Variants in PIAS2 observed in about 807,000 individuals in gnomAD.
PIAS2 encodes protein inhibitor of activated STAT 2, also known as E3 SUMO-protein ligase PIAS2.
Under a neutral mutation model 69.7 loss-of-function variants are expected in PIAS2, and 19 were observed. That is an observed-to-expected ratio of 0.27 (90% CI 0.19 to 0.40). The LOEUF (loss-of-function observed/expected upper bound fraction) is 0.40, where lower values mean the gene tolerates loss of function less well. PIAS2 is among the 10% of genes least tolerant of loss of function. The pLI, the probability that PIAS2 is intolerant of heterozygous loss-of-function variation, is 1.00. For missense variants in PIAS2, 624 were observed against 757.0 expected (o/e 0.82, Z 2.06); for synonymous variants, 261 against 263.2 (o/e 0.99, Z 0.08).
intron 2 of PIAS2, among the ~76,000 whole-genome samples, chr18:46,866,845 T>C (rs902729945): frequency 1.3e-5 from 2 of 152,158 alleles, no homozygotes; most frequent in African/African-American, 4.8e-5. Context: ...AATCCACTCT[T>C]AGCGTGCCAC....
chr18:46,814,470 G>C (rs144029498), intron 13 of PIAS2, among the ~76,000 whole-genome samples: 3 of 152,204 alleles, frequency 2.0e-5, no homozygotes, highest in African/African-American at 7.2e-5. Flanking sequence ...CTGCTGTAAT[G>C]AGGTCAACTC....
intron 11 of PIAS2, among the ~76,000 whole-genome samples, chr18:46,825,966 A>T (rs1215604010): frequency 6.6e-6 from 1 of 152,210 alleles, no homozygotes; most frequent in Non-Finnish European, 1.5e-5. Context: ...CTAAGACTGA[A>T]TTCAGAATTT....
intron 1 of PIAS2, among the ~76,000 whole-genome samples, chr18:46,908,603 A>T (rs769473635): frequency 1.3e-5 from 2 of 152,250 alleles, no homozygotes; most frequent in Non-Finnish European, 2.9e-5. Context: ...ATAATGGAAA[A>T]TATCTTCGAG....
intron 1 of PIAS2, chr18:46,916,809 G>A (rs1599197892): frequency 2.0e-6 from 2 of 985,272 alleles, no homozygotes; most frequent in Non-Finnish European, 2.4e-6. Context: ...TGGGAGAAGG[G>A]GCCTTTTCTC....
chr18:46,914,512 T>G (rs1216184575), intron 1 of PIAS2, among the ~76,000 whole-genome samples: 1 of 151,710 alleles, frequency 6.6e-6, no homozygotes, highest in African/African-American at 2.4e-5. Flanking sequence ...AAAACTGAAA[T>G]AGTCAGGCGA....
chr18:46,879,748 T>C (rs751287257), intron 2 of PIAS2, among the ~76,000 whole-genome samples: 16 of 152,152 alleles, frequency 1.1e-4, no homozygotes, highest in Admixed American at 2.6e-4. Context: ...AAATCTGACA[T>C]GTTATAACAT....
In PIAS2 at chr18:46,807,232, C is replaced by G. The variant is rs2040728304; in HGVS notation, c.*5201G>C. The G allele has an allele frequency of 6.7e-6, 1 of 150,176 alleles. No homozygotes were observed. The highest frequency in any genetic ancestry group is 2.1e-4 in the South Asian group (1 of 4,752). The allele number at this position is 150,176 out of a possible 1,614,324, so 9.3% of individuals were successfully genotyped here. A position where few individuals can be genotyped will look rare whatever the true frequency, so the allele number is the denominator to read the frequency against. On this transcript the variant is annotated 3_prime_UTR_variant, in exon 14 of 14. Coordinates refer to ENST00000585916, the MANE Select transcript of PIAS2 (RefSeq NM_004671.5). ...AGGCTTTTTTTAAAAAGTGACAAAA[C>G]TTTTGAACTAAAGATGGAAAACGTA...
At chr18:46,893,001 C>G (rs1452918280) in intron 1 of PIAS2, among the ~76,000 whole-genome samples, 1 of 152,150 alleles carries the variant, frequency 6.6e-6, no homozygotes, top group East Asian at 1.9e-4. Flanking sequence ...TTAAGAGCCA[C>G]ATGTGGCCAC....
chr18:46,846,493 CA>C (rs1455631478), intron 6 of PIAS2: 1 of 375,516 alleles, frequency 2.7e-6, no homozygotes, highest in Non-Finnish European at 4.7e-6. Context: ...ATTTCCTTTC[CA>C]GGAAAATAAA....
intron 2 of PIAS2, among the ~76,000 whole-genome samples, chr18:46,882,796 G>A (rs1306345767): frequency 6.6e-6 from 1 of 152,142 alleles, no homozygotes; most frequent in East Asian, 1.9e-4. Context: ...TTGTCACGGT[G>A]CAAAACTCTA....
intron 2 of PIAS2, among the ~76,000 whole-genome samples, chr18:46,871,175 G>A (rs887168983): frequency 1.3e-5 from 2 of 152,144 alleles, no homozygotes; most frequent in African/African-American, 4.8e-5. Context: ...TGGAAAGACT[G>A]GACTATTGAA....
At chr18:46,847,008 C>A (rs1271803294) in intron 5 of PIAS2, among the ~76,000 whole-genome samples, 167 bp from the exon 6 acceptor site, 1 of 151,922 alleles carries the variant, frequency 6.6e-6, no homozygotes, top group African/African-American at 2.4e-5. Context: ...AGGAAAATAA[C>A]CTTTGAAAAA....
At chr18:46,888,363 ATT>A (rs35677026) in intron 2 of PIAS2, among the ~76,000 whole-genome samples, 2 of 149,324 alleles carry the variant, frequency 1.3e-5, no homozygotes, top group African/African-American at 4.9e-5. Context: ...CAAAATCCCA[ATT>A]TTTTTTTTTT....
intron 2 of PIAS2, among the ~76,000 whole-genome samples, chr18:46,871,094 G>A (rs2050294230): frequency 6.6e-6 from 1 of 152,138 alleles, no homozygotes; most frequent in Admixed American, 6.5e-5. Flanking sequence ...CTTGGGCAGG[G>A]AATACTCAAG....
chr18:46,837,417 ATAAC>A (rs2044613600), intron 8 of PIAS2, among the ~76,000 whole-genome samples: 1 of 152,128 alleles, frequency 6.6e-6, no homozygotes, highest in African/African-American at 2.4e-5. Flanking sequence ...CTTTCTACCT[ATAAC>A]CTTTTCTCAT....
In PIAS2 at chr18:46,817,083, GTTTTC is replaced by G. The variant is rs2041641942; in HGVS notation, c.1649-1739_1649-1735del. The G allele has an allele frequency of 2.8e-5, 26 of 941,752 alleles. No individual in the cohort carries two copies. In the South Asian group the frequency reaches 1.1e-3, roughly 41 times the overall value. The allele number at this position is 941,752 out of a possible 1,614,324, so 58.3% of individuals were successfully genotyped here. A position where few individuals can be genotyped will look rare whatever the true frequency, so the allele number is the denominator to read the frequency against. The stretch of plus-strand genomic sequence containing the variant: ...TTGTTCTGCTTCAAATGGTATAACC[GTTTTC>G]TTTTTACAGTAACTTCTTATCTTTT... On this transcript the variant is annotated intron_variant, in intron 12 of 13. Coordinates refer to ENST00000585916, the MANE Select transcript of PIAS2 (RefSeq NM_004671.5).
intron 13 of PIAS2, among the ~76,000 whole-genome samples, chr18:46,813,846 A>G (rs2041230773): frequency 6.6e-6 from 1 of 152,216 alleles, no homozygotes; most frequent in African/African-American, 2.4e-5. Flanking sequence ...GTCAAGGGAC[A>G]TTAGTTACAG....
chr18:46,912,287 T>C (rs1211128394), intron 1 of PIAS2, among the ~76,000 whole-genome samples: 1 of 152,186 alleles, frequency 6.6e-6, no homozygotes, highest in Non-Finnish European at 1.5e-5. Context: ...GGCATAGTAT[T>C]TGCATATAAG....
intron 2 of PIAS2, among the ~76,000 whole-genome samples, chr18:46,889,589 A>C (rs1351398931): frequency 6.6e-6 from 1 of 152,196 alleles, no homozygotes; most frequent in African/African-American, 2.4e-5. Flanking sequence ...AAGTGTTGTT[A>C]AGGATGTGGA....
Sources: allele counts gnomAD v4.1 joint callset (sites outside exome capture counted in the v4.1 genomes callset), GRCh38; gene constraint gnomAD v4.1.1; transcripts MANE v1.5; gene names NCBI Gene and HGNC (gene_info 2026-07-23, HGNC 2026-07-21).